CCN5: variants seen among roughly 807,000 people sequenced by gnomAD.
CCN5 encodes CCN family member 5.
A neutral mutation model predicts 18.7 loss-of-function variants in CCN5; 17 were observed. That is an observed-to-expected ratio of 0.91 (90% CI 0.62 to 1.36). The LOEUF (loss-of-function observed/expected upper bound fraction) is 1.36. Ranked by LOEUF, CCN5 falls within the 40% of genes most tolerant of loss-of-function variation. CCN5 has a pLI of 0.00. For missense variants in CCN5, 367 were observed against 342.9 expected (o/e 1.07, Z -0.56); for synonymous variants, 135 against 145.2 (o/e 0.93, Z 0.50).
At chr20:44,718,929 G>T (rs972555699) in intron 1 of CCN5, among the ~76,000 whole-genome samples, 3 of 152,198 alleles carry the variant, frequency 2.0e-5, no homozygotes, top group Non-Finnish European at 4.4e-5. Context: ...CCCAGAGTGG[G>T]TTGGGGGTCT....
intron 2 of CCN5, chr20:44,720,995 C>T (rs2065895271): frequency 6.6e-6 from 1 of 152,172 alleles, no homozygotes; most frequent in Admixed American, 6.5e-5. Flanking sequence ...CAAATTTCCC[C>T]AGGGGGCAAA....
chr20:44,719,247 C>A (rs952067281), intron 1 of CCN5, among the ~76,000 whole-genome samples: 2 of 152,216 alleles, frequency 1.3e-5, no homozygotes, highest in African/African-American at 4.8e-5. Flanking sequence ...TGCTGTGCAG[C>A]ATTTCATGTA....
At chr20:44,721,007 T>C (rs2065895461) in intron 2 of CCN5, 1 of 152,098 alleles carries the variant, frequency 6.6e-6, no homozygotes, top group Non-Finnish European at 1.5e-5. Flanking sequence ...GGGGGCAAAA[T>C]CTCCAGTTGG....
intron 3 of CCN5, 125 bp downstream of exon 3, chr20:44,725,117 G>T (rs1422022318): frequency 2.3e-6 from 3 of 1,301,890 alleles, no homozygotes; most frequent in African/African-American, 3.0e-5. Flanking sequence ...AGCTGGGAGG[G>T]GCGGAGGCTG....
In CCN5 at chr20:44,720,146, G is replaced by C. The variant is rs537217442; in HGVS notation, c.277+33G>C. 41 of 1,533,918 alleles carry C rather than the reference G, an allele frequency of 2.7e-5. No individual in the cohort carries two copies. In the Admixed American group the frequency reaches 6.7e-4, roughly 25 times the overall value. ...GGTTTGCAGGACTGAGTGGGGGCGG[G>C]TGTGAGCGGGAGGTCAAGGCCGTGG... On this transcript the variant is annotated intron_variant, in intron 2 of 3. Coordinates refer to ENST00000190983, the MANE Select transcript of CCN5 (RefSeq NM_003881.4).
intron 2 of CCN5, chr20:44,720,472 A>G: frequency 2.8e-6 from 1 of 353,378 alleles, no homozygotes; most frequent in Non-Finnish European, 5.2e-6. Flanking sequence ...CTTTGGGGAA[A>G]ATAAAAGTGC....
rs2065888861 is a variant in CCN5, at chr20:44,720,126, G to T, written c.277+13G>T. 6.5e-7 allele frequency: 1 copy of T among 1,540,932 alleles called. No individual in the cohort carries two copies. Among genetic ancestry groups the T allele is most frequent in the Non-Finnish European group, 8.7e-7 (1 of 1,149,226 alleles). The stretch of plus-strand genomic sequence containing the variant: ...GCCCTGTGCCTCTGTAAGCAGGTTT[G>T]CAGGACTGAGTGGGGGCGGGTGTGA... On this transcript the variant is annotated intron_variant, in intron 2 of 3. Transcript: ENST00000190983.
chr20:44,727,583 T>C lies in CCN5; in HGVS notation c.*276T>C. 2 of 1,251,500 alleles carry C rather than the reference T, an allele frequency of 1.6e-6. No individual in the cohort carries two copies. Among genetic ancestry groups the C allele is most frequent in the Non-Finnish European group, 2.0e-6 (2 of 975,626 alleles). 77.5% of individuals were successfully genotyped at this position (1,251,500 alleles called of 1,614,324 possible). A position where few individuals can be genotyped will look rare whatever the true frequency, so the allele number is the denominator to read the frequency against. On this transcript the variant is annotated 3_prime_UTR_variant, in exon 4 of 4. Transcript: ENST00000190983. ...AGGGTCCTCTAGCCCACTCCCTGCC[T>C]ACACACACAGCCTATATCAAACATG...
chr20:44,723,480 G>T (rs987230118), intron 2 of CCN5, among the ~76,000 whole-genome samples: 1 of 152,108 alleles, frequency 6.6e-6, no homozygotes, highest in Admixed American at 6.5e-5. Context: ...GGGAGCCAGA[G>T]TTGGAACCTA....
Position 44,727,491 on chromosome 20 carries a change from TG to T in CCN5, c.*186del. 2.1e-6 allele frequency: 3 copies of T among 1,421,466 alleles called. No homozygotes were observed. Among genetic ancestry groups the T allele is most frequent in the Non-Finnish European group, 2.8e-6 (3 of 1,083,498 alleles). The allele number at this position is 1,421,466 out of a possible 1,614,324, so 88.1% of individuals were successfully genotyped here. On this transcript the variant is annotated 3_prime_UTR_variant, in exon 4 of 4. Transcript: ENST00000190983. ...CCTGGTCTGTCTGGATCCCGAGGTA[TG>T]GCAGAGGTGCAAGACCTAGTCCCCT...
chr20:44,725,576 G>A (rs548338090), intron 3 of CCN5, among the ~76,000 whole-genome samples: 36 of 152,162 alleles, frequency 2.4e-4, no homozygotes, highest in African/African-American at 5.1e-4. Context: ...TGACAGAGCC[G>A]GGAGAGGAAA....
At position 44,724,901 on chromosome 20, in the gene CCN5, C is replaced by T; in HGVS notation, c.441C>T (p.His147=). The T allele has an allele frequency of 1.9e-6, 3 of 1,593,960 alleles. No homozygotes were observed. The highest frequency in any genetic ancestry group is 2.6e-6 in the Non-Finnish European group (3 of 1,171,546). ...DVRLPSWDCP[H]PRRVEVLGKC... Reference sequence around the variant, plus strand: ...GGCTGCCCAGCTGGGACTGCCCCCACCCCAGGAGGGTCGAGGTCCTGGGCA... The same window carrying T: ...GGCTGCCCAGCTGGGACTGCCCCCATCCCAGGAGGGTCGAGGTCCTGGGCA... Residue 147 remains histidine, a synonymous_variant, in exon 3 of 4, where the codon CAC becomes CAT. Coordinates refer to ENST00000190983, the MANE Select transcript of CCN5 (RefSeq NM_003881.4).
intron 2 of CCN5, among the ~76,000 whole-genome samples, chr20:44,722,241 A>C (rs1247851578): frequency 1.3e-5 from 2 of 151,442 alleles, no homozygotes; most frequent in South Asian, 2.1e-4. Flanking sequence ...ACTGCCAAAA[A>C]CCTCTCCCAT....
chr20:44,715,578 C>G, intron 1 of CCN5, 128 bp downstream of exon 1: 2 of 1,015,244 alleles, frequency 2.0e-6, no homozygotes, highest in Non-Finnish European at 2.9e-6. Context: ...CACAGTCTGG[C>G]CCCCATGCCT....
rs746880170 is a variant in CCN5, at chr20:44,719,977, G to A, written c.141G>A (p.Leu47=). 1.2e-6 allele frequency: 2 copies of A among 1,613,500 alleles called. No homozygotes were observed. The highest frequency in any genetic ancestry group is 2.2e-5 in the South Asian group (2 of 91,030). Residue 47 remains leucine, a synonymous_variant, in exon 2 of 4, where the codon CTG becomes CTA. Coordinates refer to ENST00000190983, the MANE Select transcript of CCN5 (RefSeq NM_003881.4). ...PRCPLGVPLV[L]DGCGCCRVCA... ...GCCCGCTGGGAGTACCCCTGGTGCT[G>A]GATGGCTGTGGCTGCTGCCGGGTAT...
At chr20:44,715,260 TGAGCGCGCGCGCGCGC>T, upstream of CCN5, 1 of 190,466 alleles carries the variant, frequency 5.3e-6, no homozygotes, top group Non-Finnish European at 1.0e-5. Flanking sequence ...TGTGTGTGTG[TGAGCGCGCGCGCGCGC>T]GCGCGTGTGT....
chr20:44,722,081 C>G (rs1382583098), intron 2 of CCN5, among the ~76,000 whole-genome samples: 1 of 152,234 alleles, frequency 6.6e-6, no homozygotes, highest in Non-Finnish European at 1.5e-5. Flanking sequence ...CCTGGTCCTT[C>G]CTGCAACTTC....
At chr20:44,715,520 G>A (rs1333208378) in intron 1 of CCN5, 70 bp downstream of exon 1, 9 of 1,501,726 alleles carry the variant, frequency 6.0e-6, no homozygotes, top group Middle Eastern at 3.5e-4. Flanking sequence ...ATGTAAAATC[G>A]CAGCCAAGGA....
rs185657740 is a variant in CCN5 at position 44,727,270 on chromosome 20, C to T, written c.716C>T (p.Pro239Leu). Residue 239 changes from proline to leucine, a missense_variant, in exon 4 of 4, where the codon CCC becomes CTC. Transcript: ENST00000190983. ...CTGTGCCTGTCCAGGCCCTGCCCAC[C>T]CTCCAGGGGTCGCAGTCCACAAAAC... ...RRLCLSRPCP[P>L]SRGRSPQNSA... The T allele has an allele frequency of 1.9e-6, 3 of 1,613,480 alleles. No individual in the cohort carries two copies. The highest frequency in any genetic ancestry group is 4.5e-5 in the East Asian group (2 of 44,862).
Sources: allele counts gnomAD v4.1 joint callset (sites outside exome capture counted in the v4.1 genomes callset), GRCh38; gene constraint gnomAD v4.1.1; transcripts MANE v1.5; gene names NCBI Gene and HGNC (gene_info 2026-07-23, HGNC 2026-07-21).